Variants in VWF observed in about 807,000 individuals in gnomAD.
VWF encodes the protein von Willebrand factor.
A neutral mutation model predicts 308.6 loss-of-function variants in VWF; 176 were observed. That is an observed-to-expected ratio of 0.57 (90% CI 0.50 to 0.65). VWF has a LOEUF of 0.65. VWF is among the 30% of genes least tolerant of loss of function. The pLI, the probability that VWF is intolerant of heterozygous loss-of-function variation, is 0.00. For synonymous variants in VWF, 1,385 were observed against 1,443.4 expected, an observed-to-expected ratio of 0.96 and a Z score of 0.92; for missense variants, 3,146 against 3,648.2, an observed-to-expected ratio of 0.86 and a Z score of 3.55.
intron 5 of VWF, among the ~76,000 whole-genome samples, chr12:6,096,150 T>C (rs895193801): frequency 2.3e-4 from 33 of 143,856 alleles, no homozygotes; most frequent in African/African-American, 8.4e-4. Flanking sequence ...GATGGATGGA[T>C]GGATGGACGG....
intron 5 of VWF, among the ~76,000 whole-genome samples, chr12:6,099,045 C>A (rs982034704): frequency 1.3e-5 from 2 of 151,934 alleles, no homozygotes; most frequent in Admixed American, 1.3e-4. Context: ...ATGGGCTGGC[C>A]ACAGTGGCTC....
At chr12:5,985,194 T>C (rs1236434856) in intron 39 of VWF, 75 bp from the exon 40 acceptor site, 21 of 1,494,860 alleles carry the variant, frequency 1.4e-5, no homozygotes, top group Admixed American at 1.0e-4. Flanking sequence ...GAAATGTTCT[T>C]GCTCACTGAA....
chr12:5,973,940 G>C (rs1418399010), intron 43 of VWF, among the ~76,000 whole-genome samples: 1 of 152,144 alleles, frequency 6.6e-6, no homozygotes, highest in Non-Finnish European at 1.5e-5. Context: ...GGCCCGCTTA[G>C]AACATTCCTG....
chr12:6,092,574 G>A lies in VWF; in HGVS notation c.657+2886C>T, dbSNP rs372544819. On this transcript the variant is annotated intron_variant, in intron 6 of 51. Coordinates refer to ENST00000261405, the MANE Select transcript of VWF (RefSeq NM_000552.5). ...CACCATGCCCAGCTAGTGTGTGTGC[G>A]TGCGTGCATGCCACCATGCCCAGCT... Among the ~76,000 whole-genome samples, 402 of 139,136 alleles carry A rather than the reference G, an allele frequency of 2.9e-3. 5 individuals carry two copies. Among genetic ancestry groups the A allele is most frequent in the African/African-American group, 0.011 (356 of 32,422 alleles). 91.3% of individuals were successfully genotyped at this position (139,136 alleles called of 152,430 possible).
chr12:6,086,598 T>G (rs1235378449), intron 6 of VWF, among the ~76,000 whole-genome samples: 1 of 152,026 alleles, frequency 6.6e-6, no homozygotes, highest in African/African-American at 2.4e-5. Context: ...AGACCAAAAC[T>G]GCCAATTAAG....
At position 5,998,561 on chromosome 12, in the gene VWF, G is replaced by A. The variant is rs867843140; in HGVS notation, c.5843-2339C>T. Among the ~76,000 whole-genome samples the A allele has an allele frequency of 1.4e-3, 178 of 125,680 alleles. 3 individuals are homozygous for A. The highest frequency in any genetic ancestry group is 5.0e-3 in the African/African-American group (162 of 32,708). 82.5% of individuals were successfully genotyped at this position (125,680 alleles called of 152,430 possible). A position where few individuals can be genotyped will look rare whatever the true frequency, so the allele number is the denominator to read the frequency against. On this transcript the variant is annotated intron_variant, in intron 34 of 51. Coordinates refer to ENST00000261405, the MANE Select transcript of VWF (RefSeq NM_000552.5). ...GTCAAGTCAAGGAGCCAGCCCCAACGGTCATGAGAATAAAATAAACTACAA... is the reference window on the plus strand; with the variant it reads ...GTCAAGTCAAGGAGCCAGCCCCAACAGTCATGAGAATAAAATAAACTACAA...
chr12:5,951,701 G>T (rs1424614811), intron 50 of VWF, 143 bp downstream of exon 50: 16 of 950,610 alleles, frequency 1.7e-5, no homozygotes, highest in Non-Finnish European at 2.7e-5. Flanking sequence ...CTGACCAGTG[G>T]TCACGAAATA....
rs1273345423 is a variant in VWF, at chr12:6,075,467, C to T, written c.742G>A (p.Ala248Thr). ...HPLVDPEPFV[A>T]LCEKTLCECA... ...TCACACAAAGTCTTCTCACACAGGG[C>T]CACAAAAGGCTCGGGGTCCACCAGA... is the stretch of plus-strand genomic sequence containing the variant. The change falls in exon 7 of 52, where the codon GCC becomes ACC. Residue 248 changes from alanine (A) to threonine (T), a missense_variant. Around this residue, in one of 3 missense-constraint regions of VWF, gnomAD observed 1,304 missense variants for 1,353.0 expected, o/e 0.96. Transcript: ENST00000261405. This position sits in a 1 kb window ranked among gnomAD's most constrained non-coding sequence, Gnocchi z 4.7. 2 of 1,614,208 alleles carry T rather than the reference C, an allele frequency of 1.2e-6. No individual in the cohort carries two copies. The highest frequency in any genetic ancestry group is 4.5e-5 in the East Asian group (2 of 44,892).
chr12:6,019,008 G>A lies in VWF; in HGVS notation c.4410C>T (p.Pro1470=), dbSNP rs775992080. 1 of 1,613,912 alleles carries A rather than the reference G, an allele frequency of 6.2e-7. No individual in the cohort carries two copies. The highest frequency in any genetic ancestry group is 8.5e-7 in the Non-Finnish European group (1 of 1,179,872). Residue 1470 remains proline, a synonymous_variant, in exon 28 of 52, where the codon CCC becomes CCT. Transcript: ENST00000261405. This position sits in a 1 kb window ranked among gnomAD's most constrained non-coding sequence, Gnocchi z 5.8. The stretch of plus-strand genomic sequence containing the variant: ...CCACAGTGACTTGTGCCATGTCGGG[G>A]GGCAGAGTAGGAGGAGGGGCTTCAG... ...LAPEAPPPTL[P]PDMAQVTVGP...
intron 5 of VWF, among the ~76,000 whole-genome samples, chr12:6,103,029 A>T (rs1945183186): frequency 6.6e-6 from 1 of 151,896 alleles, no homozygotes; most frequent in Non-Finnish European, 1.5e-5. Context: ...ACTGGTATAA[A>T]AATATACACA....
At position 6,044,279 on chromosome 12, in the gene VWF, C is replaced by G. The variant is rs766417480; in HGVS notation, c.2442+12G>C. ...TGAAGGGCAGGCACCAGCTCTGTGC[C>G]TGGTGACTCACCATGCCCGGGGGGC... On this transcript the variant is annotated intron_variant, in intron 18 of 51. Coordinates refer to ENST00000261405, the MANE Select transcript of VWF (RefSeq NM_000552.5). 4.7e-5 allele frequency: 76 copies of G among 1,613,840 alleles called. No homozygotes were observed. Among genetic ancestry groups the G allele is most frequent in the Non-Finnish European group, 6.4e-5 (75 of 1,179,982 alleles).
intron 34 of VWF, among the ~76,000 whole-genome samples, chr12:5,996,750 CAAAAAAAAAAAAA>C (rs61616182): frequency 1.7e-5 from 1 of 60,474 alleles, no homozygotes; most frequent in South Asian, 5.8e-4. Flanking sequence ...TTTCCAGAGC[CAAAAAAAAAAAAA>C]AAAAAAAAAT....
chr12:6,076,924 G>A (rs1370951083), intron 6 of VWF, among the ~76,000 whole-genome samples: 1 of 152,210 alleles, frequency 6.6e-6, no homozygotes, highest in African/African-American at 2.4e-5. Flanking sequence ...GCAGCACAGG[G>A]ACGTTGGTCC....
intron 46 of VWF, 152 bp from the exon 47 acceptor site, chr12:5,967,754 C>T (rs1005774305): frequency 5.2e-6 from 4 of 769,800 alleles, no homozygotes; most frequent in East Asian, 5.1e-5. Flanking sequence ...ACTGCCTTCC[C>T]GTCCTCCCAC....
At chr12:5,994,632 C>T (rs2136386152) in intron 35 of VWF, 25 bp from the exon 36 acceptor site, 2 of 1,611,646 alleles carry the variant, frequency 1.2e-6, no homozygotes, top group Middle Eastern at 1.7e-4. Flanking sequence ...AAGAGCTCAT[C>T]CGTAGTCCTA....
chr12:5,982,117 G>T, intron 41 of VWF, 126 bp from the exon 42 acceptor site: 1 of 839,298 alleles, frequency 1.2e-6, no homozygotes, highest in Non-Finnish European at 1.9e-6. Context: ...TGAGGGCCAA[G>T]CTCACGGGCT....
chr12:6,000,325 G>A (rs1170384013), intron 34 of VWF, among the ~76,000 whole-genome samples: 1 of 152,184 alleles, frequency 6.6e-6, no homozygotes, highest in Non-Finnish European at 1.5e-5. Flanking sequence ...ATTGGTATCA[G>A]AATTTTCAAA....
At chr12:6,006,179 G>A (rs566218621) in intron 34 of VWF, among the ~76,000 whole-genome samples, 2 of 152,286 alleles carry the variant, frequency 1.3e-5, no homozygotes, top group East Asian at 3.9e-4. Context: ...TATAAGCTTA[G>A]AATAGACTGT....
chr12:6,020,966 A>G lies in VWF; in HGVS notation c.3674+934T>C, dbSNP rs186538239. Among the ~76,000 whole-genome samples the G allele has an allele frequency of 1.3e-5, 2 of 152,184 alleles. No individual in the cohort carries two copies. Among genetic ancestry groups the G allele is most frequent in the African/African-American group, 4.8e-5 (2 of 41,448 alleles). On this transcript the variant is annotated intron_variant, in intron 27 of 51. Transcript: ENST00000261405. This position sits in a 1 kb window ranked among gnomAD's most constrained non-coding sequence, Gnocchi z 4.3. The stretch of plus-strand genomic sequence containing the variant: ...AGAATCACCCAGTCCTTTGCTCCCT[A>G]CAGTCTCTGTTTCAGCATAAAGAGT...
Sources: gnomAD v4.1 joint callset for allele counts (sites outside exome capture counted in the v4.1 genomes callset) on GRCh38, gnomAD v4.1.1 for gene constraint, gnomAD v4.1.1 regional missense constraint, Gnocchi (gnomAD v3.1) non-coding constraint, MANE v1.5 for transcripts, NCBI Gene and HGNC (gene_info 2026-07-23, HGNC 2026-07-21) for gene names.